Variants in GRIN3A observed in about 807,000 individuals in gnomAD.
The protein encoded by GRIN3A is glutamate ionotropic receptor NMDA type subunit 3A, also known as glutamate receptor ionotropic, NMDA 3A.
In GRIN3A, 47 loss-of-function variants were observed where a neutral mutation model predicts 92.4. The observed-to-expected ratio is 0.51, with a 90% CI of 0.40 to 0.65. The LOEUF (loss-of-function observed/expected upper bound fraction) is 0.65. GRIN3A is among the 30% of genes least tolerant of loss of function. The pLI is 0.00. For synonymous variants in GRIN3A, 527 were observed against 540.6 expected (o/e 0.97, Z 0.35); for missense variants, 1,324 against 1,393.1 (o/e 0.95, Z 0.79).
Position 101,737,793 on chromosome 9 carries a change from G to T in GRIN3A, c.187C>A (p.Arg63Ser). 2 of 1,529,526 alleles carry T rather than the reference G, an allele frequency of 1.3e-6. No individual in the cohort carries two copies. The highest frequency in any genetic ancestry group is 2.4e-5 in the South Asian group (2 of 83,372). The allele number at this position is 1,529,526 out of a possible 1,614,324, so 94.7% of individuals were successfully genotyped here. ...TCGTCCGGAGCGCGGCTGGCCGCGC[G>T]GGGGGCGGTGGTCCAGGGCTGCAAG... ...VHLQPWTTAP[R>S]AASRAPDDSR... The change falls in exon 1 of 9, where the codon CGC becomes AGC. Residue 63 changes from arginine (R) to serine (S), a missense_variant. Arg to Ser is a moderately radical substitution (Grantham distance 110, BLOSUM62 -1). Transcript: ENST00000361820.
chr9:101,577,737 A>G, intron 8 of GRIN3A, 31 bp downstream of exon 8: 1 of 1,471,932 alleles, frequency 6.8e-7, no homozygotes, highest in South Asian at 1.1e-5. Flanking sequence ...TTTTACAAAT[A>G]TAAAGACAGT....
chr9:101,734,368 T>C (rs1830175115), intron 1 of GRIN3A, among the ~76,000 whole-genome samples: 1 of 152,220 alleles, frequency 6.6e-6, no homozygotes, highest in Non-Finnish European at 1.5e-5. Flanking sequence ...TTGAGTGTTG[T>C]AGTGAAGTCA....
chr9:101,686,455 A>G (rs1257438383), intron 2 of GRIN3A, 141 bp downstream of exon 2: 5 of 966,990 alleles, frequency 5.2e-6, no homozygotes, highest in Admixed American at 5.2e-5. Context: ...ACTAGCCTAT[A>G]TAACCAGAAA....
chr9:101,618,524 A>G lies in GRIN3A; in HGVS notation c.2614+4794T>C, dbSNP rs1828500859. On this transcript the variant is annotated intron_variant, in intron 5 of 8. Coordinates refer to ENST00000361820, the MANE Select transcript of GRIN3A (RefSeq NM_133445.3). The stretch of plus-strand genomic sequence containing the variant: ...ACCATCTCACACCAGTTAGAATGGC[A>G]ATCATTAAAAAGTCAGGAAACAACA... Among the ~76,000 whole-genome samples the G allele has an allele frequency of 2.0e-5, 3 of 152,164 alleles. No homozygotes were observed. The South Asian group carries it at 6.2e-4, about 32-fold the overall frequency.
chr9:101,694,636 C>T (rs1308176521), intron 1 of GRIN3A, among the ~76,000 whole-genome samples: 1 of 152,178 alleles, frequency 6.6e-6, no homozygotes, highest in Non-Finnish European at 1.5e-5. Flanking sequence ...GGGTCCTATT[C>T]TCCCAGCCCA....
At chr9:101,590,384 ATTTATTT>A (rs1564120207) in intron 6 of GRIN3A, among the ~76,000 whole-genome samples, 1 of 123,824 alleles carries the variant, frequency 8.1e-6, no homozygotes, top group African/African-American at 3.3e-5. Context: ...TTATTTATTT[ATTTATTT>A]ATTTTTTTGA....
intron 3 of GRIN3A, among the ~76,000 whole-genome samples, chr9:101,633,425 AG>A (rs1828738768): frequency 6.6e-6 from 1 of 152,192 alleles, no homozygotes; most frequent in South Asian, 2.1e-4. Context: ...AAGTGGTCTC[AG>A]GGATGGAAGG....
chr9:101,719,828 A>C (rs775206467), intron 1 of GRIN3A, among the ~76,000 whole-genome samples: 1 of 152,204 alleles, frequency 6.6e-6, no homozygotes, highest in African/African-American at 2.4e-5. Flanking sequence ...ATCTTAACTA[A>C]TATATTTTTA....
chr9:101,626,583 C>T (rs1023385317), intron 4 of GRIN3A, among the ~76,000 whole-genome samples: 2 of 152,156 alleles, frequency 1.3e-5, no homozygotes, highest in African/African-American at 2.4e-5. Context: ...GCCTAGATGC[C>T]AATTTCACCT....
At position 101,579,279 on chromosome 9, in the gene GRIN3A, T is replaced by A; in HGVS notation, c.2848A>T (p.Ile950Phe). ...IGFGLSILTTIGEHIVYRLLL... is the reference protein window; with the variant it reads ...IGFGLSILTTFGEHIVYRLLL... ...AGCCTGTATACTATGTGCTCACCAATGGTGGTCAAAATGGACAGACCAAAT... is the reference window on the plus strand; with the variant it reads ...AGCCTGTATACTATGTGCTCACCAAAGGTGGTCAAAATGGACAGACCAAAT... Residue 950 changes from isoleucine (I) to phenylalanine (F), a missense_variant, in exon 7 of 9, where the codon ATT becomes TTT. Physicochemically the swap from Ile to Phe is conservative, Grantham distance 21. Coordinates refer to ENST00000361820, the MANE Select transcript of GRIN3A (RefSeq NM_133445.3). 6.2e-7 allele frequency: 1 copy of A among 1,614,018 alleles called. No individual in the cohort carries two copies. Among genetic ancestry groups the A allele is most frequent in the Non-Finnish European group, 8.5e-7 (1 of 1,179,924 alleles).
At position 101,573,180 on chromosome 9, in the gene GRIN3A, C is replaced by T; in HGVS notation, c.3342G>A (p.Glu1114=). 2.5e-6 allele frequency: 4 copies of T among 1,613,422 alleles called. No individual in the cohort carries two copies. The highest frequency in any genetic ancestry group is 3.4e-6 in the Non-Finnish European group (4 of 1,179,348). Residue 1114 remains glutamate (E), a synonymous_variant, in exon 9 of 9, where the codon GAG becomes GAA. Coordinates refer to ENST00000361820, the MANE Select transcript of GRIN3A (RefSeq NM_133445.3). Reference sequence around the variant, plus strand: ...AGGGAAGCAGTGTGGTCACCTAGGACTCACAAGTCCGACTTGTCCTTTGAT... The same window carrying T: ...AGGGAAGCAGTGTGGTCACCTAGGATTCACAAGTCCGACTTGTCCTTTGAT... ...EEYQRTSRTC[E]S is the part of the protein sequence containing the mutation.
chr9:101,579,107 TTAG>T (rs1403352214), intron 7 of GRIN3A, 86 bp downstream of exon 7: 2 of 1,341,102 alleles, frequency 1.5e-6, no homozygotes, highest in Non-Finnish European at 1.1e-6. Flanking sequence ...GTAACATAAC[TTAG>T]TAGTCTGACA....
At chr9:101,616,650 A>C (rs1828458273) in intron 5 of GRIN3A, among the ~76,000 whole-genome samples, 1 of 149,334 alleles carries the variant, frequency 6.7e-6, no homozygotes, top group African/African-American at 2.5e-5. Flanking sequence ...GTGTATCTGC[A>C]TTAAAAAAGG....
intron 5 of GRIN3A, among the ~76,000 whole-genome samples, chr9:101,617,989 A>G (rs973099216): frequency 1.3e-5 from 2 of 151,974 alleles, no homozygotes; most frequent in African/African-American, 4.8e-5. Context: ...ATCATTTTTT[A>G]TGGCTGCATA....
At chr9:101,579,483 T>C (rs1302339664) in intron 6 of GRIN3A, 123 bp from the exon 7 acceptor site, 5 of 927,676 alleles carry the variant, frequency 5.4e-6, no homozygotes, top group Non-Finnish European at 8.5e-6. Flanking sequence ...CTGGAGACTA[T>C]TTCTCCCTGT....
At chr9:101,616,588 T>C (rs1261475341) in intron 5 of GRIN3A, among the ~76,000 whole-genome samples, 1 of 151,994 alleles carries the variant, frequency 6.6e-6, no homozygotes, top group Non-Finnish European at 1.5e-5. Flanking sequence ...ATTTCATCTC[T>C]TTTATTGGTT....
rs146838226 is a variant in GRIN3A, at chr9:101,595,681, T to A, written c.2767-16321A>T. 3.9e-4 allele frequency among the ~76,000 whole-genome samples: 59 copies of A among 152,310 alleles called. 1 individual carries two copies. The East Asian group carries it at 0.01, about 27-fold the overall frequency. ...TGGATCACCTACAGGCACTAACATA[T>A]TCCCGAGGAATATAAACAATGCTGA... is the stretch of plus-strand genomic sequence containing the variant. On this transcript the variant is annotated intron_variant, in intron 6 of 8. Coordinates refer to ENST00000361820, the MANE Select transcript of GRIN3A (RefSeq NM_133445.3).
chr9:101,735,159 AAAGT>A (rs145000123), intron 1 of GRIN3A, among the ~76,000 whole-genome samples: 67,314 of 151,044 alleles, frequency 0.45, 15,599 homozygotes, highest in Non-Finnish European at 0.48. Context: ...TGAGATACCA[AAAGT>A]AAGACAAATT....
chr9:101,578,498 A>G (rs1295983043), intron 7 of GRIN3A, among the ~76,000 whole-genome samples: 1 of 152,250 alleles, frequency 6.6e-6, no homozygotes, highest in Non-Finnish European at 1.5e-5. Context: ...GTCTCACCAC[A>G]GGAGAGGCCA....
Sources: gnomAD v4.1 joint callset for allele counts (sites outside exome capture counted in the v4.1 genomes callset) on GRCh38, gnomAD v4.1.1 for gene constraint, MANE v1.5 for transcripts, NCBI Gene and HGNC (gene_info 2026-07-23, HGNC 2026-07-21) for gene names.